DYNC1I1: variants seen among roughly 807,000 people sequenced by gnomAD.
DYNC1I1 encodes dynein cytoplasmic 1 intermediate chain 1.
In DYNC1I1, 43 loss-of-function variants were observed where a neutral mutation model predicts 86.6. The ratio of observed to expected loss-of-function variants is 0.50; its 90% confidence interval spans 0.39 to 0.64. The LOEUF is 0.64. Ranked by LOEUF, DYNC1I1 falls within the 30% of genes least tolerant of loss-of-function variation. The probability of loss-of-function intolerance (pLI) is 0.00; values close to 1 mark genes in which losing one functional copy is unlikely to be tolerated. For missense variants in DYNC1I1, 604 were observed against 788.8 expected (o/e 0.77, Z 2.81); for synonymous variants, 262 against 283.7 (o/e 0.92, Z 0.77).
chr7:95,984,938 T>A lies in DYNC1I1; in HGVS notation c.704T>A (p.Phe235Tyr). ...GCCCTGGCTGAAGATTCCGACATCTTTTTTGACTACAGCGGCCGAGAGTTA... is the reference window on the plus strand; with the variant it reads ...GCCCTGGCTGAAGATTCCGACATCTATTTTGACTACAGCGGCCGAGAGTTA... ...ERALAEDSDI[F>Y]FDYSGRELEE... The change falls in exon 8 of 17, where the codon TTT becomes TAT. Residue 235 changes from phenylalanine to tyrosine, a missense_variant. Physicochemically the swap from Phe to Tyr is conservative, Grantham distance 22 (BLOSUM62 3). Coordinates refer to ENST00000447467, the MANE Select transcript of DYNC1I1 (RefSeq NM_001135556.2). 6.2e-7 allele frequency: 1 copy of A among 1,613,650 alleles called. No individual in the cohort carries two copies. The highest frequency in any genetic ancestry group is 8.5e-7 in the Non-Finnish European group (1 of 1,179,724).
intron 6 of DYNC1I1, among the ~76,000 whole-genome samples, chr7:95,906,440 T>C (rs754980149): frequency 6.6e-6 from 1 of 152,172 alleles, no homozygotes; most frequent in Admixed American, 6.5e-5. Context: ...CTTTTCCTTT[T>C]TTTATACATC....
At chr7:95,987,436 A>G (rs1331105549) in intron 9 of DYNC1I1, among the ~76,000 whole-genome samples, 1 of 152,174 alleles carries the variant, frequency 6.6e-6, no homozygotes, top group African/African-American at 2.4e-5. Flanking sequence ...AATCCTGTGG[A>G]TATTTTTAAT....
intron 10 of DYNC1I1, among the ~76,000 whole-genome samples, chr7:96,020,204 T>A (rs1794509922): frequency 2.0e-5 from 3 of 151,882 alleles, no homozygotes; most frequent in Non-Finnish European, 2.9e-5. Context: ...GCTGCTTGCA[T>A]TAGTCTGTTT....
intron 6 of DYNC1I1, among the ~76,000 whole-genome samples, chr7:95,956,411 T>C (rs1312423989): frequency 6.6e-6 from 1 of 151,398 alleles, no homozygotes; most frequent in Non-Finnish European, 1.5e-5. Context: ...TACTTTAAGT[T>C]CTGGGATACA....
downstream of DYNC1I1, among the ~76,000 whole-genome samples, chr7:96,100,252 A>G (rs1432034390): frequency 6.6e-6 from 1 of 152,178 alleles, no homozygotes; most frequent in East Asian, 1.9e-4. Flanking sequence ...ACTTTATGTC[A>G]GCATTGCTAA....
intron 5 of DYNC1I1, among the ~76,000 whole-genome samples, chr7:95,830,029 C>T (rs1002106936): frequency 7.9e-5 from 12 of 152,116 alleles, no homozygotes; most frequent in Non-Finnish European, 1.6e-4. Flanking sequence ...AGTTTGAAGG[C>T]ATTTTCAGAG....
At chr7:96,028,072 C>T (rs1794723783) in intron 10 of DYNC1I1, 103 bp from the exon 11 acceptor site, 5 of 1,433,374 alleles carry the variant, frequency 3.5e-6, no homozygotes, top group South Asian at 3.1e-5. Flanking sequence ...TTTTGTTTTC[C>T]AGGATGTGTT....
chr7:95,945,717 A>G (rs1237844406), intron 6 of DYNC1I1, among the ~76,000 whole-genome samples: 1 of 152,094 alleles, frequency 6.6e-6, no homozygotes, highest in Non-Finnish European at 1.5e-5. Context: ...TATCTTTTCT[A>G]GTGGAGGATT....
chr7:95,962,627 C>T (rs866255031), intron 6 of DYNC1I1, among the ~76,000 whole-genome samples: 21 of 152,230 alleles, frequency 1.4e-4, no homozygotes, highest in Admixed American at 5.2e-4. Context: ...TCCATTATCT[C>T]ATTGTTTCAC....
At chr7:95,974,280 G>T in intron 6 of DYNC1I1, among the ~76,000 whole-genome samples, 1 of 152,106 alleles carries the variant, frequency 6.6e-6, no homozygotes, top group East Asian at 1.9e-4. Context: ...AGATTATTTT[G>T]TCTGTCTTGT....
chr7:96,085,841 G>A (rs1584310828), intron 16 of DYNC1I1, among the ~76,000 whole-genome samples: 1 of 152,136 alleles, frequency 6.6e-6, no homozygotes, highest in Non-Finnish European at 1.5e-5. Context: ...TTGGATTGTA[G>A]GAAGGATTCC....
At chr7:95,788,622 T>G (rs1221011323) in intron 1 of DYNC1I1, among the ~76,000 whole-genome samples, 1 of 152,204 alleles carries the variant, frequency 6.6e-6, no homozygotes, top group Non-Finnish European at 1.5e-5. Flanking sequence ...CGGCACACAC[T>G]GGGGAAAACC....
At chr7:96,080,749 G>A (rs551465494) in intron 16 of DYNC1I1, among the ~76,000 whole-genome samples, 2 of 152,196 alleles carry the variant, frequency 1.3e-5, no homozygotes, top group African/African-American at 4.8e-5. Flanking sequence ...GTGATGGAGT[G>A]TGGCACTTCC....
At chr7:95,809,454 A>C (rs1054791687) in intron 2 of DYNC1I1, among the ~76,000 whole-genome samples, 1 of 152,176 alleles carries the variant, frequency 6.6e-6, no homozygotes, top group Non-Finnish European at 1.5e-5. Context: ...GTAAGCTTAC[A>C]AAGCTTTGTT....
At chr7:95,981,390 T>A (rs1163775202) in intron 7 of DYNC1I1, among the ~76,000 whole-genome samples, 2 of 152,000 alleles carry the variant, frequency 1.3e-5, no homozygotes, top group African/African-American at 4.8e-5. Context: ...ATAAGAAAAA[T>A]TAACATTTCT....
intron 5 of DYNC1I1, among the ~76,000 whole-genome samples, chr7:95,863,779 C>T (rs1452153972): frequency 2.6e-5 from 4 of 152,130 alleles, no homozygotes; most frequent in Admixed American, 1.3e-4. Context: ...CAGAAGCTAA[C>T]GATCCATTGT....
At chr7:95,874,433 T>C (rs968197713) in intron 6 of DYNC1I1, among the ~76,000 whole-genome samples, 2 of 152,014 alleles carry the variant, frequency 1.3e-5, no homozygotes, top group African/African-American at 2.4e-5. Flanking sequence ...CTTGATAGAA[T>C]TGACAAAAGA....
chr7:95,829,789 T>A (rs972158008), intron 5 of DYNC1I1, among the ~76,000 whole-genome samples: 1 of 110,056 alleles, frequency 9.1e-6, no homozygotes, highest in Admixed American at 9.4e-5. Flanking sequence ...CCCAGTGTGT[T>A]GGAGAGAGAA....
At chr7:95,902,244 A>G (rs375736167) in intron 6 of DYNC1I1, among the ~76,000 whole-genome samples, 4 of 152,174 alleles carry the variant, frequency 2.6e-5, no homozygotes, top group African/African-American at 7.2e-5. Flanking sequence ...TTTTCCTGCT[A>G]TTGAGCAGAA....
Sources: gnomAD v4.1 joint callset for allele counts (sites outside exome capture counted in the v4.1 genomes callset) on GRCh38, gnomAD v4.1.1 for gene constraint, MANE v1.5 for transcripts, NCBI Gene and HGNC (gene_info 2026-07-23, HGNC 2026-07-21) for gene names.